The following MAPK10 variants were observed in gnomAD, a reference collection of about 807,000 sequenced individuals.
The protein encoded by MAPK10 is mitogen-activated protein kinase 10.
MAPK10 carries 25 observed loss-of-function variants against 59.3 expected under a neutral mutation model. The ratio of observed to expected loss-of-function variants is 0.42; its 90% CI spans 0.31 to 0.59. The LOEUF is 0.59. Among genes scored for constraint, MAPK10 ranks in the 20% least tolerant of loss-of-function variants. MAPK10 has a pLI of 0.15. For synonymous variants in MAPK10, 190 were observed against 200.5 expected (o/e 0.95, Z 0.44); for missense variants, 351 against 568.9 (o/e 0.62, Z 3.90).
chr4:86,543,129 A>C (rs1264721275), intron 1 of MAPK10, among the ~76,000 whole-genome samples: 1 of 152,158 alleles, frequency 6.6e-6, no homozygotes, highest in Non-Finnish European at 1.5e-5. Flanking sequence ...ATGTGGTGCA[A>C]TATTTCACAC....
chr4:86,335,316 G>T (rs1257930069), intron 2 of MAPK10, among the ~76,000 whole-genome samples: 1 of 152,104 alleles, frequency 6.6e-6, no homozygotes, highest in African/African-American at 2.4e-5. Context: ...AGAAGCTAAA[G>T]GCAAATGCCA....
Position 86,191,553 on chromosome 4 carries a change from C to CTTTTTTTTTTTTTTTTTTT in MAPK10, c.66+2764_66+2782dup, listed in dbSNP as rs35357476. ...TCAGAGACTAGGATTACAACCCGTGCTTTTTTTTTTTTTTTTTTTTTTTTT... is the reference window on the plus strand; with the variant it reads ...TCAGAGACTAGGATTACAACCCGTGCTTTTTTTTTTTTTTTTTTTTTTTTTTTTTTTTTTTTTTTTTTTT... On this transcript the variant is annotated intron_variant, in intron 3 of 13. Transcript: ENST00000641462. 15 of 30,412 alleles carry CTTTTTTTTTTTTTTTTTTT rather than the reference C, an allele frequency of 4.9e-4. 4 individuals are homozygous for CTTTTTTTTTTTTTTTTTTT. The highest frequency in any genetic ancestry group is 6.1e-3 in the East Asian group (2 of 330). 1.9% of individuals were successfully genotyped at this position (30,412 alleles called of 1,614,324 possible).
chr4:86,520,205 T>C (rs1251891535), intron 1 of MAPK10, among the ~76,000 whole-genome samples: 1 of 152,222 alleles, frequency 6.6e-6, no homozygotes, highest in East Asian at 1.9e-4. Flanking sequence ...TTCCCTCAAA[T>C]AAGCTTTCCA....
In MAPK10 at chr4:86,012,575, C is replaced by T. The variant is rs1000467188; in HGVS notation, c.*4653G>A. The T allele has an allele frequency of 6.6e-6, 1 of 152,138 alleles. No individual in the cohort carries two copies. The highest frequency in any genetic ancestry group is 1.5e-5 in the Non-Finnish European group (1 of 68,022). The allele number at this position is 152,138 out of a possible 1,614,324, so 9.4% of individuals were successfully genotyped here. A position where few individuals can be genotyped will look rare whatever the true frequency, so the allele number is the denominator to read the frequency against. ...TGACTCCATATTACCTAAAAAGAGTCAAAAGAAGCAGAAGTTCTCCCCCGA... is the reference window on the plus strand; with the variant it reads ...TGACTCCATATTACCTAAAAAGAGTTAAAAGAAGCAGAAGTTCTCCCCCGA... On this transcript the variant is annotated 3_prime_UTR_variant, in exon 14 of 14. Coordinates refer to ENST00000641462, the MANE Select transcript of MAPK10 (RefSeq NM_138982.4).
chr4:86,233,866 A>G (rs566285836), intron 2 of MAPK10, among the ~76,000 whole-genome samples: 6 of 151,060 alleles, frequency 4.0e-5, no homozygotes, highest in African/African-American at 7.4e-5. Flanking sequence ...ATTCCAGGAT[A>G]TGGTATTGTG....
At chr4:86,285,609 A>C (rs2148809984) in intron 2 of MAPK10, among the ~76,000 whole-genome samples, 1 of 152,258 alleles carries the variant, frequency 6.6e-6, no homozygotes, top group East Asian at 1.9e-4. Flanking sequence ...GTGTAGTGTC[A>C]TTTCATTCAT....
chr4:86,154,209 A>G (rs147945223), intron 4 of MAPK10, among the ~76,000 whole-genome samples: 54 of 152,254 alleles, frequency 3.5e-4, no homozygotes, highest in Middle Eastern at 6.8e-3. Context: ...ATCTCTCTTC[A>G]TGTCACCAAC....
At chr4:86,531,160 A>C (rs1240394661) in intron 1 of MAPK10, among the ~76,000 whole-genome samples, 1 of 152,164 alleles carries the variant, frequency 6.6e-6, no homozygotes, top group African/African-American at 2.4e-5. Flanking sequence ...TTTACTAAAA[A>C]ATTTTCCTTC....
intron 2 of MAPK10, among the ~76,000 whole-genome samples, chr4:86,314,522 C>T (rs2095737835): frequency 6.6e-6 from 1 of 152,118 alleles, no homozygotes; most frequent in African/African-American, 2.4e-5. Flanking sequence ...TCTGAGCCCT[C>T]CCCAGCCAGG....
chr4:86,460,628 C>T (rs372657519), intron 1 of MAPK10, among the ~76,000 whole-genome samples: 6 of 152,318 alleles, frequency 3.9e-5, no homozygotes, highest in African/African-American at 9.6e-5. Flanking sequence ...ATGACGCCCA[C>T]GCTGGAAGGC....
chr4:86,023,317 C>T (rs1015242792), intron 13 of MAPK10, among the ~76,000 whole-genome samples: 1 of 152,188 alleles, frequency 6.6e-6, no homozygotes, highest in Non-Finnish European at 1.5e-5. Context: ...GCAAATAGCA[C>T]TCTGTCTTGA....
intron 4 of MAPK10, among the ~76,000 whole-genome samples, chr4:86,126,897 T>C (rs1398571539): frequency 6.6e-6 from 1 of 152,024 alleles, no homozygotes; most frequent in Admixed American, 6.6e-5. Flanking sequence ...ATCCAAGGCC[T>C]ATTTGTACCT....
rs565626115 is a variant in MAPK10, at chr4:86,373,016, A to G, written c.-121-18372T>C. ...CTACCTGACTTCAAACTATACTACA[A>G]GGCTACAGTAACCAAAATGGCATGG... On this transcript the variant is annotated intron_variant, in intron 1 of 13. Transcript: ENST00000361569. Among the ~76,000 whole-genome samples the G allele has an allele frequency of 6.2e-3, 948 of 152,322 alleles. 7 individuals are homozygous for G. The highest frequency in any genetic ancestry group is 0.02 in the African/African-American group (847 of 41,572).
chr4:86,075,929 G>C (rs1012366105), intron 9 of MAPK10, among the ~76,000 whole-genome samples: 9 of 152,138 alleles, frequency 5.9e-5, no homozygotes, highest in Non-Finnish European at 1.0e-4. Flanking sequence ...CACCCAGTTC[G>C]AGTTTCCAGG....
intron 2 of MAPK10, among the ~76,000 whole-genome samples, chr4:86,334,335 A>C (rs1339645646): frequency 1.3e-5 from 2 of 152,102 alleles, no homozygotes; most frequent in Non-Finnish European, 2.9e-5. Context: ...AGTCTAGGTC[A>C]CCACTATGTC....
chr4:86,474,491 G>C (rs1196355464), intron 1 of MAPK10, among the ~76,000 whole-genome samples: 1 of 152,210 alleles, frequency 6.6e-6, no homozygotes, highest in Non-Finnish European at 1.5e-5. Flanking sequence ...AAAGCATAGA[G>C]AGGTCCGAAA....
chr4:86,567,557 G>A (rs1233139861), intron 1 of MAPK10, among the ~76,000 whole-genome samples: 2 of 152,208 alleles, frequency 1.3e-5, no homozygotes, highest in Non-Finnish European at 2.9e-5. Context: ...TAATGTCAAA[G>A]TAGTACTTAA....
intron 2 of MAPK10, among the ~76,000 whole-genome samples, chr4:86,288,521 A>T (rs1489513132): frequency 6.6e-6 from 1 of 152,080 alleles, no homozygotes; most frequent in Non-Finnish European, 1.5e-5. Flanking sequence ...AGGACAAGGT[A>T]GTTGATGATC....
intron 3 of MAPK10, among the ~76,000 whole-genome samples, chr4:86,166,459 T>C (rs2071762598): frequency 7.4e-6 from 1 of 136,008 alleles, no homozygotes; most frequent in Non-Finnish European, 1.5e-5. Flanking sequence ...TTATTACCAT[T>C]ATTATAATTA....
Sources: gnomAD v4.1 joint callset for allele counts (sites outside exome capture counted in the v4.1 genomes callset) on GRCh38, gnomAD v4.1.1 for gene constraint, MANE v1.5 for transcripts, NCBI Gene and HGNC (gene_info 2026-07-23, HGNC 2026-07-21) for gene names.